Variants in TAS1R2 observed in about 807,000 individuals in gnomAD.
TAS1R2 encodes taste 1 receptor member 2, also known as taste receptor type 1 member 2.
In TAS1R2, 47 loss-of-function variants were observed where a neutral mutation model predicts 49.3. That is an observed-to-expected ratio of 0.95 (90% CI 0.75 to 1.22). TAS1R2 has a LOEUF of 1.22. TAS1R2 is among the 50% of genes most tolerant of loss of function. The probability of loss-of-function intolerance (pLI) is 0.00; values close to 1 mark genes in which losing one functional copy is unlikely to be tolerated. For missense variants in TAS1R2, 1,155 were observed against 1,122.1 expected (o/e 1.03, Z -0.42); for synonymous variants, 479 against 467.9 (o/e 1.02, Z -0.31).
At chr1:18,857,515 T>G in exon 2 of TAS1R2, 1 of 1,614,136 alleles carries the variant, frequency 6.2e-7, no homozygotes, top group Non-Finnish European at 8.5e-7. Flanking sequence ...GTAGCACACA[T>G]CCACGATCTC....
At chr1:18,847,032 A>G (rs1933934546) in intron 4 of TAS1R2, among the ~76,000 whole-genome samples, 1 of 152,156 alleles carries the variant, frequency 6.6e-6, no homozygotes, top group Non-Finnish European at 1.5e-5. Context: ...GCCTCCCACC[A>G]TGACTGTAAA....
rs747232067 is a variant in TAS1R2 at position 18,854,827 on chromosome 1, A to G, written c.643T>C (p.Tyr215His). The G allele has an allele frequency of 6.2e-7, 1 of 1,607,998 alleles. No homozygotes were observed. Among genetic ancestry groups the G allele is most frequent in the East Asian group, 2.2e-5 (1 of 44,832 alleles). Residue 215 changes from tyrosine (Y) to histidine (H), a missense_variant, in exon 3 of 6, where the codon TAT becomes CAT. Coordinates refer to ENST00000375371, the Ensembl canonical transcript of TAS1R2. The surrounding 1 kb of genome is among the most constrained non-coding windows in gnomAD (Gnocchi z 4.9). ...AGCAGCTGGCCATTGTCGCGGCCAT[A>G]GGTGTCGCTGCTCACCAGCACAATG...
chr1:18,859,202 G>A (rs553292957), intron 1 of TAS1R2, among the ~76,000 whole-genome samples: 1 of 152,260 alleles, frequency 6.6e-6, no homozygotes, highest in East Asian at 1.9e-4. Context: ...GAGCCCTCTA[G>A]GCTCAAACAT....
chr1:18,850,787 C>T (rs866987937), intron 3 of TAS1R2, among the ~76,000 whole-genome samples: 15 of 152,196 alleles, frequency 9.9e-5, no homozygotes, highest in African/African-American at 2.9e-4. Flanking sequence ...CAGGTTGAAC[C>T]CCGTTTCCCC....
chr1:18,849,320 C>T, intron 4 of TAS1R2, 21 bp downstream of exon 4: 1 of 1,612,568 alleles, frequency 6.2e-7, no homozygotes, highest in Non-Finnish European at 8.5e-7. Flanking sequence ...GCCTGCCCAC[C>T]CACCAGGCCC....
intron 3 of TAS1R2, among the ~76,000 whole-genome samples, chr1:18,853,962 G>C (rs1269216486): frequency 6.6e-6 from 1 of 152,186 alleles, no homozygotes; most frequent in South Asian, 2.1e-4. Flanking sequence ...GGGGAGGGGG[G>C]CGCTGCCGTT....
rs967487445 is a variant in TAS1R2, at chr1:18,854,278, C to A, written c.1192G>T (p.Ala398Ser). ...TCACAGCCGAGGAGGCTGTGCAGGG[C>A]ATGGGCCACAGCATAGACCGCAGAG... The change falls in exon 3 of 6, where the codon GCC becomes TCC. Residue 398 changes from alanine to serine, a missense_variant. Ala to Ser is a moderately conservative substitution (Grantham distance 99). Coordinates refer to ENST00000375371, the Ensembl canonical transcript of TAS1R2. This position sits in a 1 kb window ranked among gnomAD's most constrained non-coding sequence, Gnocchi z 4.9. The A allele has an allele frequency of 1.3e-5, 21 of 1,614,078 alleles. No individual in the cohort carries two copies. Among genetic ancestry groups the A allele is most frequent in the Middle Eastern group, 3.3e-4 (2 of 6,084 alleles).
Position 18,854,437 on chromosome 1 carries a change from C to G in TAS1R2, c.1033G>C (p.Ala345Pro). 3 of 1,614,136 alleles carry G rather than the reference C, an allele frequency of 1.9e-6. No homozygotes were observed. In the South Asian group the frequency reaches 3.3e-5, roughly 18 times the overall value. Residue 345 changes from alanine to proline, a missense_variant, in exon 3 of 6, where the codon GCT becomes CCT. Coordinates refer to ENST00000375371, the Ensembl canonical transcript of TAS1R2. The surrounding 1 kb of genome is among the most constrained non-coding windows in gnomAD (Gnocchi z 4.9). ...GTCCTGCTGAGGGGTGGCGGCCCAG[C>G]CTGTGGGCCCCACTCGCGGAACTCA... is the stretch of plus-strand genomic sequence containing the variant.
exon 2 of TAS1R2, chr1:18,857,440 T>C (rs763559032): frequency 6.2e-7 from 1 of 1,614,196 alleles, no homozygotes; most frequent in Non-Finnish European, 8.5e-7. Context: ...GTAGTCCTCT[T>C]GGATGGGAAG....
intron 5 of TAS1R2, among the ~76,000 whole-genome samples, chr1:18,840,936 TG>T (rs1933813191): frequency 6.6e-6 from 1 of 152,174 alleles, no homozygotes; most frequent in Admixed American, 6.5e-5. Context: ...GACAGGGACC[TG>T]GGGTGGAAGG....
At chr1:18,841,735 T>C (rs1238675900) in exon 5 of TAS1R2, 2 of 1,613,440 alleles carry the variant, frequency 1.2e-6, no homozygotes, top group Admixed American at 1.7e-5. Flanking sequence ...ATACCTTCAG[T>C]GTGGTTGAGG....
chr1:18,849,385 G>A, exon 4 of TAS1R2: 1 of 1,614,210 alleles, frequency 6.2e-7, no homozygotes, highest in African/African-American at 1.3e-5. Flanking sequence ...ATGTTCTTCA[G>A]CTGTCGCTGC....
chr1:18,857,916 C>T (rs114852450), intron 1 of TAS1R2, among the ~76,000 whole-genome samples: 1,881 of 152,170 alleles, frequency 0.012, 33 homozygotes, highest in African/African-American at 0.041. Context: ...ACCAATGTGA[C>T]CATCATTATC....
At chr1:18,858,504 A>G (rs766915188) in intron 1 of TAS1R2, 6 of 152,446 alleles carry the variant, frequency 3.9e-5, no homozygotes, top group Non-Finnish European at 5.9e-5. Flanking sequence ...AACCATCACC[A>G]TTATCACTAC....
At chr1:18,843,371 CA>C (rs1479601286) in intron 4 of TAS1R2, among the ~76,000 whole-genome samples, 2 of 152,068 alleles carry the variant, frequency 1.3e-5, no homozygotes, top group African/African-American at 4.8e-5. Context: ...TTTAGGAGGC[CA>C]AAGGTACAGA....
chr1:18,854,636 G>A lies in TAS1R2; in HGVS notation c.834C>T (p.Asp278=), dbSNP rs764633596. The change falls in exon 3 of 6, where the codon GAC becomes GAT. Residue 278 remains aspartate (D), a synonymous_variant. Coordinates refer to ENST00000375371, the Ensembl canonical transcript of TAS1R2. The surrounding 1 kb of genome is among the most constrained non-coding windows in gnomAD (Gnocchi z 4.9). ...CATTGAAGAAGTGGTACAGGGTCAG[G>A]TCGGGCGAGAACACGACCACGACGC... 6.2e-7 allele frequency: 1 copy of A among 1,614,122 alleles called. No individual in the cohort carries two copies. Among genetic ancestry groups the A allele is most frequent in the Non-Finnish European group, 8.5e-7 (1 of 1,180,010 alleles).
intron 3 of TAS1R2, among the ~76,000 whole-genome samples, chr1:18,850,159 A>G (rs1435471667): frequency 1.3e-5 from 2 of 152,128 alleles, no homozygotes; most frequent in Admixed American, 1.3e-4. Context: ...AGCAGCTGGG[A>G]CAAACTAGAG....
rs79635934 is a variant in TAS1R2 at position 18,854,721 on chromosome 1, G to T, written c.749C>A (p.Thr250Lys). The change falls in exon 3 of 6, where the codon ACG becomes AAG. Residue 250 changes from threonine (T) to lysine (K), a missense_variant. By Grantham distance (78) the Thr-to-Lys change is moderately conservative. Coordinates refer to ENST00000375371, the Ensembl canonical transcript of TAS1R2. This position sits in a 1 kb window ranked among gnomAD's most constrained non-coding sequence, Gnocchi z 4.9. Reference sequence around the variant, plus strand: ...CACCAGGCGCTGGCGCTCCTCTGACGTCATGTTCTGGTTGGGCTGCAGTGT... The same window carrying T: ...CACCAGGCGCTGGCGCTCCTCTGACTTCATGTTCTGGTTGGGCTGCAGTGT... The T allele has an allele frequency of 1.2e-6, 2 of 1,612,988 alleles. No individual in the cohort carries two copies. Among genetic ancestry groups the T allele is most frequent in the Admixed American group, 1.7e-5 (1 of 59,976 alleles).
At chr1:18,847,735 A>C (rs987538673) in intron 4 of TAS1R2, among the ~76,000 whole-genome samples, 1 of 152,226 alleles carries the variant, frequency 6.6e-6, no homozygotes, top group Non-Finnish European at 1.5e-5. Flanking sequence ...ATAGCTACCA[A>C]ACTAAAACAA....
Sources: gnomAD v4.1 joint callset for allele counts (sites outside exome capture counted in the v4.1 genomes callset) on GRCh38, gnomAD v4.1.1 for gene constraint, Gnocchi (gnomAD v3.1) non-coding constraint, MANE v1.5 for transcripts, NCBI Gene and HGNC (gene_info 2026-07-23, HGNC 2026-07-21) for gene names.